The following SHPRH variants were observed in gnomAD, a reference collection of about 807,000 sequenced individuals.
The protein encoded by SHPRH is E3 ubiquitin-protein ligase SHPRH.
In SHPRH, 106 loss-of-function variants were observed where a neutral mutation model predicts 202.5. The observed-to-expected ratio is 0.52, with a 90% confidence interval of 0.45 to 0.62. SHPRH has a LOEUF of 0.62. Ranked by LOEUF, SHPRH falls within the 20% of genes least tolerant of loss-of-function variation. The pLI is 0.00. For synonymous variants in SHPRH, 729 were observed against 686.0 expected (o/e 1.06, Z -0.98); for missense variants, 1,710 against 2,020.0 (o/e 0.85, Z 2.94).
Position 145,948,214 on chromosome 6 carries a change from A to G in SHPRH, c.1061+58T>C, listed in dbSNP as rs981655486. 4.6e-6 allele frequency: 6 copies of G among 1,303,548 alleles called. No homozygotes were observed. In the African/African-American group the frequency reaches 9.0e-5, roughly 20 times the overall value. The allele number at this position is 1,303,548 out of a possible 1,614,324, so 80.7% of individuals were successfully genotyped here. ...GTTACAGATATGCTAACAATCTCAG[A>G]CAGTTTTTCATTATATTTATTTTTT... is the stretch of plus-strand genomic sequence containing the variant. On this transcript the variant is annotated intron_variant, in intron 5 of 29. Coordinates refer to ENST00000275233, the MANE Select transcript of SHPRH (RefSeq NM_001042683.3).
chr6:145,886,815 C>A, intron 29 of SHPRH, 28 bp from the exon 30 acceptor site: 1 of 1,601,602 alleles, frequency 6.2e-7, no homozygotes, highest in South Asian at 1.1e-5. Context: ...TGAGCACAGT[C>A]AGAAAGAAAC....
chr6:145,903,745 T>C (rs539207459), intron 25 of SHPRH: 1 of 152,042 alleles, frequency 6.6e-6, no homozygotes, highest in Non-Finnish European at 1.5e-5. Flanking sequence ...TTGACCAGTA[T>C]ATAGGGTCAG....
chr6:145,941,457 T>C (rs1786766036), intron 10 of SHPRH, among the ~76,000 whole-genome samples, 166 bp downstream of exon 10: 1 of 152,244 alleles, frequency 6.6e-6, no homozygotes, highest in Non-Finnish European at 1.5e-5. Context: ...AAGGGTTATG[T>C]AGTTCAAAGC....
chr6:145,916,192 T>G (rs1361037686), intron 23 of SHPRH, among the ~76,000 whole-genome samples: 1 of 152,138 alleles, frequency 6.6e-6, no homozygotes, highest in Non-Finnish European at 1.5e-5. Flanking sequence ...TCCTACTGTA[T>G]AGATTCCAGT....
chr6:145,895,402 A>G lies in SHPRH; in HGVS notation c.4516-425T>C, dbSNP rs1172544755. On this transcript the variant is annotated intron_variant, in intron 25 of 29. Transcript: ENST00000275233. Reference sequence around the variant, plus strand: ...TACAATGAATCAAAACTCCCAATGTAAGCAAACAGTGAAGGATCCAACCAA... The same window carrying G: ...TACAATGAATCAAAACTCCCAATGTGAGCAAACAGTGAAGGATCCAACCAA... Among the ~76,000 whole-genome samples, 6 of 152,198 alleles carry G rather than the reference A, an allele frequency of 3.9e-5. No homozygotes were observed. The East Asian group carries it at 7.7e-4, about 20-fold the overall frequency.
intron 9 of SHPRH, among the ~76,000 whole-genome samples, chr6:145,942,656 A>G (rs1005818409): frequency 6.6e-6 from 1 of 152,200 alleles, no homozygotes; most frequent in African/African-American, 2.4e-5. Flanking sequence ...ATGACTGGAT[A>G]CTATTTTTAA....
chr6:145,928,759 T>C (rs1418698941), intron 14 of SHPRH, among the ~76,000 whole-genome samples: 1 of 152,006 alleles, frequency 6.6e-6, no homozygotes. Flanking sequence ...TTGCTTTATA[T>C]CTAGTTCTAT....
chr6:145,938,707 G>C (rs1483358150), intron 11 of SHPRH, among the ~76,000 whole-genome samples: 1 of 152,042 alleles, frequency 6.6e-6, no homozygotes, highest in African/African-American at 2.4e-5. Context: ...TTATAGATAA[G>C]AAAAATAAGG....
intron 25 of SHPRH, chr6:145,906,413 T>A (rs1017285429): frequency 7.9e-5 from 12 of 152,276 alleles, no homozygotes; most frequent in Admixed American, 7.9e-4. Context: ...GGAATGACTA[T>A]GATCTCCCAT....
At chr6:145,947,113 T>G (rs1307018377) in intron 6 of SHPRH, among the ~76,000 whole-genome samples, 2 of 152,048 alleles carry the variant, frequency 1.3e-5, no homozygotes, top group Non-Finnish European at 2.9e-5. Context: ...GTTCTAAGAT[T>G]TATATATATG....
At chr6:145,879,332 T>C (rs1342036964) in intron 2 of SHPRH, among the ~76,000 whole-genome samples, 1 of 152,126 alleles carries the variant, frequency 6.6e-6, no homozygotes, top group Non-Finnish European at 1.5e-5. Context: ...ACACCCCCCA[T>C]TCCTCCTTGT....
Position 145,886,644 on chromosome 6 carries a change from G to T in SHPRH, c.*47C>A. On this transcript the variant is annotated 3_prime_UTR_variant, in exon 30 of 30. Coordinates refer to ENST00000275233, the MANE Select transcript of SHPRH (RefSeq NM_001042683.3). ...ACTTGTAACTTTGCTCTACAGCTAT[G>T]AAAGTTTATTAATACACTAAAGTCC... The T allele has an allele frequency of 6.2e-7, 1 of 1,600,834 alleles. No homozygotes were observed. The highest frequency in any genetic ancestry group is 1.1e-5 in the South Asian group (1 of 88,692).
At chr6:145,924,015 G>A (rs6570732) in intron 17 of SHPRH, among the ~76,000 whole-genome samples, 110,980 of 151,718 alleles carry the variant, frequency 0.73, 41,027 homozygotes, top group African/African-American at 0.82. Context: ...TGGATAAATG[G>A]GAATTTATTG....
In SHPRH at chr6:145,935,056, T is replaced by C; in HGVS notation, c.2841A>G (p.Val947=). The change falls in exon 13 of 30, where the codon GTA becomes GTG. Residue 947 remains valine (V), a synonymous_variant. Transcript: ENST00000275233. ...QHEVCCQDVV[V]KLRKISDWAL... Reference sequence around the variant, plus strand: ...CCCAGTCAGAAATCTTCCTGAGTTTTACCACCACATCCTGGCAGCACACCT... The same window carrying C: ...CCCAGTCAGAAATCTTCCTGAGTTTCACCACCACATCCTGGCAGCACACCT... 1 of 1,613,988 alleles carries C rather than the reference T, an allele frequency of 6.2e-7. No homozygotes were observed. The highest frequency in any genetic ancestry group is 8.5e-7 in the Non-Finnish European group (1 of 1,180,004).
intron 25 of SHPRH, among the ~76,000 whole-genome samples, chr6:145,898,737 T>C (rs1296195084): frequency 6.6e-6 from 1 of 152,176 alleles, no homozygotes; most frequent in African/African-American, 2.4e-5. Context: ...CGCCATGTTA[T>C]CATGCAACAA....
At chr6:145,945,708 T>G in intron 7 of SHPRH, 71 bp from the exon 8 acceptor site, 6 of 1,448,418 alleles carry the variant, frequency 4.1e-6, no homozygotes, top group Non-Finnish European at 5.5e-6. Context: ...TTGGTTAATC[T>G]TAATCTGCAT....
chr6:145,878,178 G>A (rs1182273599), intron 2 of SHPRH, among the ~76,000 whole-genome samples: 3 of 152,188 alleles, frequency 2.0e-5, no homozygotes, highest in Non-Finnish European at 4.4e-5. Context: ...TAGGTTCACA[G>A]CAAAATTGAG....
At chr6:145,963,527 G>A (rs962836116) in intron 1 of SHPRH, among the ~76,000 whole-genome samples, 1 of 152,122 alleles carries the variant, frequency 6.6e-6, no homozygotes, top group African/African-American at 2.4e-5. Context: ...CATAAACATA[G>A]CAACTACCAG....
At chr6:145,947,939 C>A (rs1232144087) in intron 5 of SHPRH, among the ~76,000 whole-genome samples, 1 of 151,808 alleles carries the variant, frequency 6.6e-6, no homozygotes, top group Non-Finnish European at 1.5e-5. Context: ...ATACAAAGGG[C>A]AATAACTACT....
Sources: gnomAD v4.1 joint callset for allele counts (sites outside exome capture counted in the v4.1 genomes callset) on GRCh38, gnomAD v4.1.1 for gene constraint, MANE v1.5 for transcripts, NCBI Gene and HGNC (gene_info 2026-07-23, HGNC 2026-07-21) for gene names.